NAALADL2: variants seen among roughly 807,000 people sequenced by gnomAD.
NAALADL2 encodes N-acetylated alpha-linked acidic dipeptidase like 2, also known as inactive N-acetylated-alpha-linked acidic dipeptidase-like protein 2.
Under a neutral mutation model 87.2 loss-of-function variants are expected in NAALADL2, and 76 were observed. That is an observed-to-expected ratio of 0.87 (90% confidence interval 0.72 to 1.05). NAALADL2 has a LOEUF of 1.05. Among genes scored for constraint, NAALADL2 ranks in the 50% least tolerant of loss-of-function variants. The pLI is 0.00. For missense variants in NAALADL2, 1,089 were observed against 945.8 expected (o/e 1.15, Z -1.99); for synonymous variants, 354 against 331.0 (o/e 1.07, Z -0.75).
intron 1 of NAALADL2, among the ~76,000 whole-genome samples, chr3:174,937,454 C>T (rs551131360): frequency 5.7e-4 from 87 of 152,158 alleles, no homozygotes; most frequent in African/African-American, 2.1e-3. Flanking sequence ...CTTTCACTTC[C>T]GTCCTCTTAG....
intron 2 of NAALADL2, among the ~76,000 whole-genome samples, chr3:175,127,753 G>A (rs1727190212): frequency 6.6e-6 from 1 of 152,076 alleles, no homozygotes; most frequent in African/African-American, 2.4e-5. Flanking sequence ...GCATGGGGGT[G>A]AGTGCCTATA....
intron 2 of NAALADL2, among the ~76,000 whole-genome samples, chr3:175,100,387 C>T (rs376929739): frequency 6.6e-6 from 1 of 152,122 alleles, no homozygotes; most frequent in Admixed American, 6.5e-5. Flanking sequence ...AAGAAAGAAG[C>T]CTCAAATCCA....
At chr3:174,764,677 A>G (rs574446813) in intron 3 of NAALADL2, among the ~76,000 whole-genome samples, 3 of 152,238 alleles carry the variant, frequency 2.0e-5, no homozygotes, top group Non-Finnish European at 2.9e-5. Flanking sequence ...CTATTTGAAG[A>G]TCAAGATTGA....
At chr3:174,534,846 C>T in intron 1 of NAALADL2, among the ~76,000 whole-genome samples, 1 of 152,094 alleles carries the variant, frequency 6.6e-6, no homozygotes, top group East Asian at 1.9e-4. Context: ...GTTTGGGAAG[C>T]CGACAGTGTT....
At chr3:175,419,385 G>A (rs1005585370) in intron 5 of NAALADL2, among the ~76,000 whole-genome samples, 2 of 151,380 alleles carry the variant, frequency 1.3e-5, no homozygotes, top group Admixed American at 1.3e-4. Flanking sequence ...AAAAATTATA[G>A]CAAAAATTAT....
At chr3:174,524,222 A>C (rs1366598635) in intron 1 of NAALADL2, among the ~76,000 whole-genome samples, 2 of 152,232 alleles carry the variant, frequency 1.3e-5, no homozygotes, top group East Asian at 3.8e-4. Flanking sequence ...ATCAGATGGC[A>C]TCCAGTAATA....
intron 2 of NAALADL2, among the ~76,000 whole-genome samples, chr3:175,167,488 G>T (rs1056756824): frequency 4.6e-5 from 7 of 151,932 alleles, no homozygotes; most frequent in Admixed American, 3.3e-4. Flanking sequence ...TCTCCTTTAA[G>T]TTTCTTAAGC....
At chr3:175,799,681 TAAAAC>T (rs1207813268) in intron 13 of NAALADL2, among the ~76,000 whole-genome samples, 1 of 152,180 alleles carries the variant, frequency 6.6e-6, no homozygotes, top group African/African-American at 2.4e-5. Context: ...TTTTATGAAA[TAAAAC>T]TAATATTTAG....
At chr3:174,691,089 A>T (rs1321181682) in intron 2 of NAALADL2, among the ~76,000 whole-genome samples, 1 of 152,166 alleles carries the variant, frequency 6.6e-6, no homozygotes, top group African/African-American at 2.4e-5. Context: ...ATGTCTAAAT[A>T]AACAATGCAT....
chr3:175,599,485 T>C (rs1035803924), intron 10 of NAALADL2, among the ~76,000 whole-genome samples: 3 of 152,096 alleles, frequency 2.0e-5, no homozygotes, highest in Admixed American at 6.6e-5. Flanking sequence ...AGGTGTCTGA[T>C]TTTAGAGTGA....
intron 9 of NAALADL2, among the ~76,000 whole-genome samples, chr3:175,560,341 G>T (rs1716067422): frequency 6.6e-6 from 1 of 151,890 alleles, no homozygotes; most frequent in Non-Finnish European, 1.5e-5. Context: ...ACTTAATCTG[G>T]CTAAAGGTTC....
Position 175,734,282 on chromosome 3 carries a change from C to T in NAALADL2, c.1897-3024C>T, listed in dbSNP as rs111747761. Among the ~76,000 whole-genome samples the T allele has an allele frequency of 3.7e-3, 564 of 152,102 alleles. 2 individuals are homozygous for T. The highest frequency in any genetic ancestry group is 6.1e-3 in the Non-Finnish European group (416 of 67,972). On this transcript the variant is annotated intron_variant, in intron 11 of 13. Transcript: ENST00000454872. ...AATCTAGGCAGAGGTGGGCTGGGCG[C>T]GGTGGCTCACACCTGTAATCCCAGC...
chr3:174,708,637 A>C (rs1730337345), intron 2 of NAALADL2, among the ~76,000 whole-genome samples: 1 of 152,176 alleles, frequency 6.6e-6, no homozygotes, highest in African/African-American at 2.4e-5. Context: ...GTTTGTTTGT[A>C]AATTTGTCCT....
At chr3:175,038,558 C>T (rs1045973753) in intron 1 of NAALADL2, among the ~76,000 whole-genome samples, 1 of 152,138 alleles carries the variant, frequency 6.6e-6, no homozygotes, top group African/African-American at 2.4e-5. Flanking sequence ...ACCTACTTGT[C>T]CTTGTGACTG....
intron 3 of NAALADL2, among the ~76,000 whole-genome samples, chr3:175,244,499 G>A (rs1378944034): frequency 2.0e-5 from 3 of 151,792 alleles, no homozygotes; most frequent in African/African-American, 7.3e-5. Flanking sequence ...ACGTTGTTGA[G>A]CTGTACGTTA....
At chr3:174,662,056 A>C (rs921175705) in intron 2 of NAALADL2, among the ~76,000 whole-genome samples, 1 of 152,200 alleles carries the variant, frequency 6.6e-6, no homozygotes, top group Non-Finnish European at 1.5e-5. Context: ...AGATAGCCTC[A>C]GTTTCAGCTT....
At chr3:175,781,876 C>A (rs1463092481) in intron 13 of NAALADL2, among the ~76,000 whole-genome samples, 4 of 132,790 alleles carry the variant, frequency 3.0e-5, no homozygotes, top group Non-Finnish European at 6.3e-5. Flanking sequence ...CCACCACAGT[C>A]CCCAGAGTGT....
At chr3:175,658,821 A>G (rs564466739) in intron 11 of NAALADL2, among the ~76,000 whole-genome samples, 2 of 152,262 alleles carry the variant, frequency 1.3e-5, no homozygotes, top group South Asian at 2.1e-4. Context: ...TTTAGTTTCA[A>G]AATTATCAAA....
rs373854552 is a variant in NAALADL2, at chr3:175,352,188, G to C, written c.1090+27863G>C. Among the ~76,000 whole-genome samples, 20 of 151,054 alleles carry C rather than the reference G, an allele frequency of 1.3e-4. No individual in the cohort carries two copies. In the East Asian group the frequency reaches 3.9e-3, roughly 29 times the overall value. ...CTTGGATTTTTTTTTTTTTTTTAAT[G>C]GGGGCTAGGACATGGGACCAAGCTG... On this transcript the variant is annotated intron_variant, in intron 5 of 13. Coordinates refer to ENST00000454872, the MANE Select transcript of NAALADL2 (RefSeq NM_207015.3).
Sources: allele counts gnomAD v4.1 joint callset (sites outside exome capture counted in the v4.1 genomes callset), GRCh38; gene constraint gnomAD v4.1.1; transcripts MANE v1.5; gene names NCBI Gene and HGNC (gene_info 2026-07-23, HGNC 2026-07-21).